RFX1: variants seen among roughly 807,000 people sequenced by gnomAD.
RFX1 encodes the protein regulatory factor X1, also known as MHC class II regulatory factor RFX1.
Under a neutral mutation model 119.6 loss-of-function variants are expected in RFX1, and 42 were observed. That is an observed-to-expected ratio of 0.35 (90% CI 0.27 to 0.45). The LOEUF is 0.45. RFX1 is among the 20% of genes least tolerant of loss of function. The pLI is 1.00. For missense variants in RFX1, 1,118 were observed against 1,368.1 expected, an observed-to-expected ratio of 0.82 and a Z score of 2.88; for synonymous variants, 628 against 618.5, an observed-to-expected ratio of 1.02 and a Z score of -0.23.
At position 13,966,873 on chromosome 19, in the gene RFX1, G is replaced by A. The variant is rs2145541745; in HGVS notation, c.1733-122C>T. ...CCCATGTGCCGGTGAGACAACGCTA[G>A]GTGGGGTGAGCGCCTGGCCCGGGCC... On this transcript the variant is annotated intron_variant, in intron 12 of 20. Coordinates refer to ENST00000254325, the MANE Select transcript of RFX1 (RefSeq NM_002918.5). This position sits in a 1 kb window ranked among gnomAD's most constrained non-coding sequence, Gnocchi z 6.3. The A allele has an allele frequency of 3.1e-6, 2 of 648,854 alleles. No individual in the cohort carries two copies. The highest frequency in any genetic ancestry group is 2.0e-5 in the South Asian group (1 of 51,258). 40.2% of individuals were successfully genotyped at this position (648,854 alleles called of 1,614,324 possible).
intron 1 of RFX1, among the ~76,000 whole-genome samples, chr19:14,002,736 A>G (rs978534838): frequency 6.6e-6 from 1 of 152,116 alleles, no homozygotes; most frequent in African/African-American, 2.4e-5. Context: ...CAGGTGGGAG[A>G]AAGTCTTTCT....
intron 7 of RFX1, among the ~76,000 whole-genome samples, 159 bp from the exon 8 acceptor site, chr19:13,978,245 G>T (rs953201469): frequency 2.0e-5 from 3 of 152,192 alleles, no homozygotes; most frequent in Non-Finnish European, 2.9e-5. Context: ...AGGAGGCCAG[G>T]GCTGGGAATC....
chr19:13,967,976 G>T (rs1192411932), intron 12 of RFX1, among the ~76,000 whole-genome samples: 1 of 152,066 alleles, frequency 6.6e-6, no homozygotes, highest in Non-Finnish European at 1.5e-5. Flanking sequence ...CATGTATGCC[G>T]GGCATGGTGG....
At chr19:14,005,929 C>A (rs946253833) in intron 1 of RFX1, among the ~76,000 whole-genome samples, 174 bp downstream of exon 1, 4 of 150,776 alleles carry the variant, frequency 2.7e-5, no homozygotes, top group African/African-American at 9.7e-5. Context: ...GGGACGGGGG[C>A]GGGTGGTGTC....
chr19:14,006,704 G>C (rs1021512516), upstream of RFX1: 1 of 152,254 alleles, frequency 6.6e-6, no homozygotes. Flanking sequence ...ACGCAAGGCC[G>C]ATTGGGAGTT....
rs1974620445 is a variant in RFX1, at chr19:13,986,993, CTTG to C, written c.320-3401_320-3399del. Among the ~76,000 whole-genome samples, 1 of 152,336 alleles carries C rather than the reference CTTG, an allele frequency of 6.6e-6. No individual in the cohort carries two copies. Among genetic ancestry groups the C allele is most frequent in the African/African-American group, 2.4e-5 (1 of 41,576 alleles). On this transcript the variant is annotated intron_variant, in intron 2 of 20. Transcript: ENST00000254325. This position sits in a 1 kb window ranked among gnomAD's most constrained non-coding sequence, Gnocchi z 4.2. ...CTGCTGCCCCCAGTGTCCTCTATCC[CTTG>C]TCTGCTCCAACCTCAGTTTCCCCAT...
Position 13,986,963 on chromosome 19 carries a change from G to T in RFX1, c.320-3368C>A, listed in dbSNP as rs1974618847. 6.6e-6 allele frequency among the ~76,000 whole-genome samples: 1 copy of T among 152,130 alleles called. No homozygotes were observed. Among genetic ancestry groups the T allele is most frequent in the Non-Finnish European group, 1.5e-5 (1 of 68,008 alleles). On this transcript the variant is annotated intron_variant, in intron 2 of 20. Transcript: ENST00000254325. This position sits in a 1 kb window ranked among gnomAD's most constrained non-coding sequence, Gnocchi z 4.2. ...GATGTCAGTCAGGGGCTCCTGGAGGGGCCCCTGCTGCCCCCAGTGTCCTCT... is the reference window on the plus strand; with the variant it reads ...GATGTCAGTCAGGGGCTCCTGGAGGTGCCCCTGCTGCCCCCAGTGTCCTCT...
At position 13,983,007 on chromosome 19, in the gene RFX1, G is replaced by T. The variant is rs1442041986; in HGVS notation, c.513+180C>A. 6 of 581,798 alleles carry T rather than the reference G, an allele frequency of 1.0e-5. No homozygotes were observed. In the African/African-American group the frequency reaches 1.1e-4, roughly 11 times the overall value. The allele number at this position is 581,798 out of a possible 1,614,324, so 36.0% of individuals were successfully genotyped here. On this transcript the variant is annotated intron_variant, in intron 4 of 20. Transcript: ENST00000254325. Reference sequence around the variant, plus strand: ...CTCCTGCAGCTCCTCTGTCCCTGATGGCCCCTGCCGGATAGTCTCACCCTG... The same window carrying T: ...CTCCTGCAGCTCCTCTGTCCCTGATTGCCCCTGCCGGATAGTCTCACCCTG...
rs1214648617 is a variant in RFX1 at position 13,965,781 on chromosome 19, C to T, written c.1962-4G>A. 16 of 1,612,980 alleles carry T rather than the reference C, an allele frequency of 9.9e-6. No individual in the cohort carries two copies. The highest frequency in any genetic ancestry group is 2.2e-5 in the East Asian group (1 of 44,888). ...TCGCTTCTCGGCCTCGTCATGTCTGCGGGCACCCACCCCACCCCGGGTCAC... is the reference window on the plus strand; with the variant it reads ...TCGCTTCTCGGCCTCGTCATGTCTGTGGGCACCCACCCCACCCCGGGTCAC... On this transcript the variant is annotated splice_region_variant and splice_polypyrimidine_tract_variant and intron_variant, in intron 14 of 20. Transcript: ENST00000254325. The surrounding 1 kb of genome is among the most constrained non-coding windows in gnomAD (Gnocchi z 4.7).
At chr19:13,970,345 C>G (rs190455598) in intron 9 of RFX1, among the ~76,000 whole-genome samples, 170 bp from the exon 10 acceptor site, 3 of 152,226 alleles carry the variant, frequency 2.0e-5, no homozygotes, top group Admixed American at 1.3e-4. Context: ...CCACAGAACT[C>G]TAGAACTGCA....
At chr19:13,995,896 C>T (rs1267998930) in intron 1 of RFX1, among the ~76,000 whole-genome samples, 4 of 147,508 alleles carry the variant, frequency 2.7e-5, no homozygotes, top group Non-Finnish European at 4.4e-5. Flanking sequence ...GGAGTGGTGG[C>T]GCGCACCTGT....
rs943775317 is a variant in RFX1, at chr19:13,993,579, C to T, written c.265G>A (p.Gly89Ser). The change falls in exon 2 of 21, where the codon GGT (glycine) becomes AGT (serine). Residue 89 changes from glycine (G) to serine (S), a missense_variant. Physicochemically the swap from Gly to Ser is moderately conservative, Grantham distance 56. Transcript: ENST00000254325. ...GGTGCAGGCGAAGGGGTGGGTGCAC[C>T]GGTTGGCTGCGAGGGTGCGGGTACA... Reference protein sequence around the residue: ...PAVPAPSQPTGAPTPSPAPQQ... With the variant: ...PAVPAPSQPTSAPTPSPAPQQ... 15 of 1,612,716 alleles carry T rather than the reference C, an allele frequency of 9.3e-6. No homozygotes were observed. The East Asian group carries it at 1.1e-4, about 12-fold the overall frequency.
intron 8 of RFX1, among the ~76,000 whole-genome samples, chr19:13,975,066 G>C (rs1974213428): frequency 1.4e-5 from 2 of 142,492 alleles, no homozygotes; most frequent in Admixed American, 7.2e-5. Context: ...AAAAAGGGAG[G>C]GGGGCAGGGG....
In RFX1 at chr19:13,973,067, G is replaced by C. The variant is rs747074510; in HGVS notation, c.990C>G (p.Ser330Arg). The C allele has an allele frequency of 6.2e-6, 10 of 1,601,838 alleles. No homozygotes were observed. The highest frequency in any genetic ancestry group is 2.2e-5 in the East Asian group (1 of 44,870). Reference sequence around the variant, plus strand: ...TGGCCGTGCCTGCGGCCTCGTAGTAGCTGGTGCTTGCCGTCTGCGTGTACA... The same window carrying C: ...TGGCCGTGCCTGCGGCCTCGTAGTACCTGGTGCTTGCCGTCTGCGTGTACA... ...TPLYTQTAST[S>R]YYEAAGTATQ... Residue 330 changes from serine (S) to arginine (R), a missense_variant, in exon 9 of 21, where the codon AGC becomes AGG. Around this residue, in one of 5 missense-constraint regions of RFX1, gnomAD observed 542 missense variants for 602.7 expected, o/e 0.90. Transcript: ENST00000254325.
At position 13,993,664 on chromosome 19, in the gene RFX1, G is replaced by A. The variant is rs368972388; in HGVS notation, c.180C>T (p.Ser60=). 3.8e-6 allele frequency: 6 copies of A among 1,596,356 alleles called. No homozygotes were observed. Among genetic ancestry groups the A allele is most frequent in the South Asian group, 1.1e-5 (1 of 89,436 alleles). ...CCGGTGGCTGTGCCTGGGGCTGGGG[G>A]CTCTGCAGCTCGGTGACATATTGGG... ...PQPQYVTELQ[S]PQPQAQPPGG... Residue 60 remains serine, a synonymous_variant, in exon 2 of 21, where the codon AGC becomes AGT. Transcript: ENST00000254325.
In RFX1 at chr19:13,990,070, T is replaced by TGG. The variant is rs1373562596; in HGVS notation, c.319+3453_319+3454dup. ...TGGATGAGTCAGGAGGGGCTGGATG[T>TGG]GGGGTCCTGCGGTTCAGGGTTGCAG... is the stretch of plus-strand genomic sequence containing the variant. On this transcript the variant is annotated intron_variant, in intron 2 of 20. Transcript: ENST00000254325. The surrounding 1 kb of genome is among the most constrained non-coding windows in gnomAD (Gnocchi z 4.1). 1.3e-5 allele frequency among the ~76,000 whole-genome samples: 2 copies of TGG among 152,064 alleles called. No individual in the cohort carries two copies. Among genetic ancestry groups the TGG allele is most frequent in the Non-Finnish European group, 2.9e-5 (2 of 68,012 alleles).
Position 13,963,140 on chromosome 19 carries a change from G to A in RFX1, c.2706C>T (p.Pro902=), listed in dbSNP as rs1973767031. Residue 902 remains proline, a synonymous_variant, in exon 19 of 21, where the codon CCC becomes CCT. Coordinates refer to ENST00000254325, the MANE Select transcript of RFX1 (RefSeq NM_002918.5). ...HRVAQAKGET[P]IAVMGEFANL... is the part of the protein sequence containing the mutation. Reference sequence around the variant, plus strand: ...CGCGCACCTCGCCCATGACGGCGATGGGGGTCTCGCCCTTGGCCTGGGCTA... The same window carrying A: ...CGCGCACCTCGCCCATGACGGCGATAGGGGTCTCGCCCTTGGCCTGGGCTA... The A allele has an allele frequency of 6.2e-7, 1 of 1,611,600 alleles. No individual in the cohort carries two copies. The highest frequency in any genetic ancestry group is 1.3e-5 in the African/African-American group (1 of 74,860).
rs1973918909 is a variant in RFX1, at chr19:13,966,815, C to T, written c.1733-64G>A. ...CTTGCCTGCCCACCCTGGGGTCCTA[C>T]TGACCTGTCCGTTTCCCATCAGACT... On this transcript the variant is annotated intron_variant, in intron 12 of 20. Transcript: ENST00000254325. This position sits in a 1 kb window ranked among gnomAD's most constrained non-coding sequence, Gnocchi z 6.3. 6 of 1,112,724 alleles carry T rather than the reference C, an allele frequency of 5.4e-6. No individual in the cohort carries two copies. The South Asian group carries it at 8.5e-5, about 16-fold the overall frequency. 68.9% of individuals were successfully genotyped at this position (1,112,724 alleles called of 1,614,324 possible).
intron 2 of RFX1, among the ~76,000 whole-genome samples, chr19:13,987,396 G>T (rs1974638328): frequency 6.6e-6 from 1 of 152,108 alleles, no homozygotes; most frequent in South Asian, 2.1e-4. Flanking sequence ...GGTGTCGGCT[G>T]GTGTCCAGCC....
Sources: allele counts gnomAD v4.1 joint callset (sites outside exome capture counted in the v4.1 genomes callset), GRCh38; gene constraint gnomAD v4.1.1; regional missense constraint gnomAD v4.1.1; non-coding constraint Gnocchi (gnomAD v3.1); transcripts MANE v1.5; gene names NCBI Gene and HGNC (gene_info 2026-07-23, HGNC 2026-07-21).